ADAMTS20: variants seen among roughly 807,000 people sequenced by gnomAD.
ADAMTS20 encodes the protein A disintegrin and metalloproteinase with thrombospondin motifs 20.
Under a neutral mutation model 260.1 loss-of-function variants are expected in ADAMTS20, and 225 were observed. That is an observed-to-expected ratio of 0.87 (90% CI 0.78 to 0.97). The LOEUF is 0.97. ADAMTS20 is among the 50% of genes least tolerant of loss of function. The probability of loss-of-function intolerance (pLI) is 0.00; values close to 1 mark genes in which losing one functional copy is unlikely to be tolerated. For missense variants in ADAMTS20, 2,400 were observed against 2,337.7 expected, an observed-to-expected ratio of 1.03 and a Z score of -0.55; for synonymous variants, 802 against 769.5, an observed-to-expected ratio of 1.04 and a Z score of -0.70.
chr12:43,471,470 G>T (rs1447356445), intron 7 of ADAMTS20, among the ~76,000 whole-genome samples: 3 of 121,378 alleles, frequency 2.5e-5, no homozygotes, highest in Non-Finnish European at 5.2e-5. Context: ...AGCTCGAACT[G>T]GGTGGAGCCC....
intron 37 of ADAMTS20, among the ~76,000 whole-genome samples, chr12:43,365,546 A>G: frequency 6.6e-6 from 1 of 152,052 alleles, no homozygotes; most frequent in East Asian, 1.9e-4. Context: ...ACACAAGACG[A>G]TAAGTCAAAT....
intron 7 of ADAMTS20, among the ~76,000 whole-genome samples, chr12:43,488,228 G>C (rs1432233294): frequency 6.6e-6 from 1 of 151,958 alleles, no homozygotes; most frequent in Non-Finnish European, 1.5e-5. Context: ...TAGAGTTCAG[G>C]TTTAACAGGG....
chr12:43,429,823 C>T, intron 23 of ADAMTS20, 99 bp from the exon 24 acceptor site: 1 of 723,788 alleles, frequency 1.4e-6, no homozygotes, highest in Non-Finnish European at 2.2e-6. Context: ...AGAACCGTTC[C>T]ATACTAAATT....
chr12:43,474,190 A>G (rs1488916315), intron 7 of ADAMTS20, among the ~76,000 whole-genome samples: 3 of 143,642 alleles, frequency 2.1e-5, no homozygotes, highest in Non-Finnish European at 4.6e-5. Context: ...ACAAACTACC[A>G]TCAGAGAATA....
intron 4 of ADAMTS20, among the ~76,000 whole-genome samples, chr12:43,500,220 G>A (rs558275112): frequency 1.6e-4 from 25 of 151,966 alleles, no homozygotes; most frequent in Admixed American, 2.0e-4. Flanking sequence ...GTAGAGACAT[G>A]GTTTCACTAT....
chr12:43,412,529 T>C (rs935336861), intron 28 of ADAMTS20, among the ~76,000 whole-genome samples: 2 of 152,182 alleles, frequency 1.3e-5, no homozygotes, highest in African/African-American at 4.8e-5. Context: ...GGGTATCCTG[T>C]AGATCAGCAG....
In ADAMTS20 at chr12:43,523,312, G is replaced by A. The variant is rs112867552; in HGVS notation, c.613+8724C>T. On this transcript the variant is annotated intron_variant, in intron 3 of 38. Transcript: ENST00000389420. ...ATTCCCAGTCTCCGTGCAGAACGGC[G>A]GAAGCCATTCCTTATTTTGTCTCAC... Among the ~76,000 whole-genome samples, 704 of 152,296 alleles carry A rather than the reference G, an allele frequency of 4.6e-3. 7 individuals are homozygous for A. Among genetic ancestry groups the A allele is most frequent in the African/African-American group, 0.016 (666 of 41,568 alleles).
rs1428252633 is a variant in ADAMTS20 at position 43,551,679 on chromosome 12, G to A, written c.91+152C>T. Among the ~76,000 whole-genome samples, 1 of 152,188 alleles carries A rather than the reference G, an allele frequency of 6.6e-6. No homozygotes were observed. On this transcript the variant is annotated intron_variant, in intron 1 of 38. Transcript: ENST00000389420. This position sits in a 1 kb window ranked among gnomAD's most constrained non-coding sequence, Gnocchi z 4.6. ...ATTCCTCGAAACCCGGCGCAGTCGC[G>A]ACCTCTCCGGCTGACTGGTCCGGGA...
chr12:43,442,398 C>G (rs1280349482), intron 16 of ADAMTS20, among the ~76,000 whole-genome samples: 6 of 152,034 alleles, frequency 3.9e-5, no homozygotes. Context: ...GCTGGGATTA[C>G]AGGCATGCGC....
Position 43,446,666 on chromosome 12 carries a change from T to C in ADAMTS20, c.2126A>G (p.Lys709Arg). ...HVLNSSAKID[K>R]CGVCGGDNSS... ...GTTGTCCCCACCACACACTCCACAT[T>C]TGTCTATCTTGGCACTGGAGTTTAA... is the stretch of plus-strand genomic sequence containing the variant. The change falls in exon 15 of 39, where the codon AAA (lysine) becomes AGA (arginine). Residue 709 changes from lysine to arginine, a missense_variant. Transcript: ENST00000389420. 6.2e-7 allele frequency: 1 copy of C among 1,613,456 alleles called. No individual in the cohort carries two copies. Among genetic ancestry groups the C allele is most frequent in the Non-Finnish European group, 8.5e-7 (1 of 1,179,564 alleles).
At chr12:43,440,119 T>C in intron 16 of ADAMTS20, 50 bp from the exon 17 acceptor site, 1 of 1,065,338 alleles carries the variant, frequency 9.4e-7, no homozygotes, top group Non-Finnish European at 1.3e-6. Context: ...CAATCAACAA[T>C]ACAGAAAACA....
At chr12:43,386,040 CTCTTT>C (rs1940468844) in intron 29 of ADAMTS20, among the ~76,000 whole-genome samples, 1 of 152,138 alleles carries the variant, frequency 6.6e-6, no homozygotes, top group East Asian at 1.9e-4. Context: ...TGATTCTTCT[CTCTTT>C]TCTTCTCTAT....
At chr12:43,490,210 G>A (rs1435215798) in intron 7 of ADAMTS20, among the ~76,000 whole-genome samples, 185 bp downstream of exon 7, 1 of 151,936 alleles carries the variant, frequency 6.6e-6, no homozygotes, top group East Asian at 1.9e-4. Context: ...GCAAATAAAT[G>A]TTAGTTCTTA....
At chr12:43,361,016 G>C (rs1020180794) in intron 37 of ADAMTS20, among the ~76,000 whole-genome samples, 11 of 152,258 alleles carry the variant, frequency 7.2e-5, no homozygotes, top group African/African-American at 2.6e-4. Context: ...TTTGCAAAAA[G>C]TGCAAAACAT....
intron 3 of ADAMTS20, among the ~76,000 whole-genome samples, chr12:43,512,102 T>C (rs184922577): frequency 1.3e-5 from 2 of 151,768 alleles, no homozygotes; most frequent in Non-Finnish European, 2.9e-5. Flanking sequence ...ACTCGTACAC[T>C]TCACATATGT....
At chr12:43,419,362 A>T in intron 28 of ADAMTS20, among the ~76,000 whole-genome samples, 1 of 152,132 alleles carries the variant, frequency 6.6e-6, no homozygotes, top group Non-Finnish European at 1.5e-5. Context: ...TGTCTGAGTG[A>T]TGTGATAATG....
At chr12:43,414,623 C>T (rs910070843) in intron 28 of ADAMTS20, among the ~76,000 whole-genome samples, 1 of 152,058 alleles carries the variant, frequency 6.6e-6, no homozygotes, top group African/African-American at 2.4e-5. Flanking sequence ...CAAACTACAA[C>T]CACAAAGAAA....
At chr12:43,474,937 G>C (rs1321280689) in intron 7 of ADAMTS20, among the ~76,000 whole-genome samples, 2 of 80,714 alleles carry the variant, frequency 2.5e-5, no homozygotes, top group Non-Finnish European at 4.8e-5. Context: ...CACAAGACAG[G>C]GATGCCCTCT....
intron 7 of ADAMTS20, among the ~76,000 whole-genome samples, chr12:43,472,157 G>A (rs1239867429): frequency 3.4e-5 from 5 of 146,248 alleles, no homozygotes; most frequent in African/African-American, 1.0e-4. Context: ...TGATGGAGCT[G>A]AAAACCAAGG....
Sources: allele counts gnomAD v4.1 joint callset (sites outside exome capture counted in the v4.1 genomes callset), GRCh38; gene constraint gnomAD v4.1.1; non-coding constraint Gnocchi (gnomAD v3.1); transcripts MANE v1.5; gene names NCBI Gene and HGNC (gene_info 2026-07-23, HGNC 2026-07-21).